Variants in NLGN1 observed in about 807,000 individuals in gnomAD.
NLGN1 encodes neuroligin-1.
NLGN1 carries 12 observed loss-of-function variants against 65.5 expected under a neutral mutation model. That is an observed-to-expected ratio of 0.18 (90% CI 0.12 to 0.30). The LOEUF is 0.30. Among genes scored for constraint, NLGN1 ranks in the 10% least tolerant of loss-of-function variants. The pLI, the probability that NLGN1 is intolerant of heterozygous loss-of-function variation, is 1.00. For synonymous variants in NLGN1, 350 were observed against 359.5 expected, an observed-to-expected ratio of 0.97 and a Z score of 0.30; for missense variants, 750 against 1,007.1, an observed-to-expected ratio of 0.74 and a Z score of 3.46.
intron 2 of NLGN1, among the ~76,000 whole-genome samples, chr3:173,437,716 C>T (rs535341856): frequency 8.5e-5 from 13 of 152,218 alleles, no homozygotes; most frequent in Admixed American, 2.6e-4. Flanking sequence ...CTTTCATTGC[C>T]GTTCCTGCCA....
chr3:174,205,336 G>A (rs1735200135), intron 4 of NLGN1, among the ~76,000 whole-genome samples: 1 of 151,966 alleles, frequency 6.6e-6, no homozygotes, highest in African/African-American at 2.4e-5. Context: ...AAAAGAAAAT[G>A]GAGATGTTTA....
intron 2 of NLGN1, among the ~76,000 whole-genome samples, chr3:173,464,097 T>C (rs1205781182): frequency 6.6e-6 from 1 of 152,134 alleles, no homozygotes; most frequent in Non-Finnish European, 1.5e-5. Flanking sequence ...TTAAGGTATA[T>C]AGGGCATTTT....
chr3:173,724,240 G>A (rs1304720589), intron 3 of NLGN1, among the ~76,000 whole-genome samples: 1 of 152,110 alleles, frequency 6.6e-6, no homozygotes, highest in Non-Finnish European at 1.5e-5. Context: ...GAAACAGGAT[G>A]ACATCACCTA....
chr3:174,194,717 G>T, intron 4 of NLGN1, among the ~76,000 whole-genome samples: 1 of 145,982 alleles, frequency 6.9e-6, no homozygotes. Flanking sequence ...GACATAGATA[G>T]TTACAGATAT....
intron 3 of NLGN1, among the ~76,000 whole-genome samples, chr3:173,609,098 T>C (rs929838133): frequency 2.0e-5 from 3 of 152,010 alleles, no homozygotes; most frequent in Non-Finnish European, 1.5e-5. Context: ...TGGTCAAATA[T>C]TAGACAGTAA....
chr3:173,683,524 G>A (rs1029878725), intron 3 of NLGN1, among the ~76,000 whole-genome samples: 2 of 152,070 alleles, frequency 1.3e-5, no homozygotes, highest in East Asian at 1.9e-4. Flanking sequence ...GAAAAGACTG[G>A]ATTTGAGGTA....
At chr3:174,131,977 C>T (rs747331048) in intron 4 of NLGN1, among the ~76,000 whole-genome samples, 10 of 152,190 alleles carry the variant, frequency 6.6e-5, no homozygotes, top group Non-Finnish European at 1.2e-4. Context: ...GCAGCTCAAA[C>T]ACTGGCTGGC....
At chr3:174,145,904 G>C (rs1213241349) in intron 4 of NLGN1, among the ~76,000 whole-genome samples, 1 of 152,214 alleles carries the variant, frequency 6.6e-6, no homozygotes, top group Non-Finnish European at 1.5e-5. Context: ...TAGTGCAGTA[G>C]TTTAAAACTC....
intron 3 of NLGN1, among the ~76,000 whole-genome samples, chr3:173,757,366 A>G (rs1248567922): frequency 6.6e-6 from 1 of 152,068 alleles, no homozygotes; most frequent in African/African-American, 2.4e-5. Flanking sequence ...CTTGTAAAAA[A>G]AATTAAAAGT....
chr3:173,863,631 T>C (rs1467702756), intron 4 of NLGN1, among the ~76,000 whole-genome samples: 1 of 152,208 alleles, frequency 6.6e-6, no homozygotes, highest in Non-Finnish European at 1.5e-5. Flanking sequence ...GCACATGGAC[T>C]AACTTGATGG....
At chr3:173,699,606 A>G (rs1261216516) in intron 3 of NLGN1, among the ~76,000 whole-genome samples, 2 of 152,224 alleles carry the variant, frequency 1.3e-5, no homozygotes, top group Non-Finnish European at 2.9e-5. Flanking sequence ...GAGTTTTAAA[A>G]GTCACAGATC....
At position 173,446,633 on chromosome 3, in the gene NLGN1, A is replaced by G. The variant is rs1720397495; in HGVS notation, c.-321+11555A>G. 2.0e-5 allele frequency among the ~76,000 whole-genome samples: 3 copies of G among 152,280 alleles called. No individual in the cohort carries two copies. The South Asian group carries it at 6.2e-4, about 32-fold the overall frequency. Reference sequence around the variant, plus strand: ...ATTTCTAGTTCCAGATCCCTGAGGAATTGGCACACCAACTTCCACAATGGT... The same window carrying G: ...ATTTCTAGTTCCAGATCCCTGAGGAGTTGGCACACCAACTTCCACAATGGT... On this transcript the variant is annotated intron_variant, in intron 2 of 6. Transcript: ENST00000457714.
rs10663769 is a variant in NLGN1, at chr3:174,197,518, C to CAAAAAAAAAAAAA, written c.647-77790_647-77778dup. ...TTTCTTGAGCTACGGTACTTAACCT[C>CAAAAAAAAAAAAA]AAAAAAAAAAAAAAAAAAAGGAGAA... is the stretch of plus-strand genomic sequence containing the variant. On this transcript the variant is annotated intron_variant, in intron 4 of 6. Transcript: ENST00000457714. 1.7e-3 allele frequency among the ~76,000 whole-genome samples: 166 copies of CAAAAAAAAAAAAA among 100,294 alleles called. 7 individuals carry two copies. The highest frequency in any genetic ancestry group is 5.7e-3 in the Middle Eastern group (1 of 174). The allele number at this position is 100,294 out of a possible 152,430, so 65.8% of individuals were successfully genotyped here. A position where few individuals can be genotyped will look rare whatever the true frequency, so the allele number is the denominator to read the frequency against.
intron 4 of NLGN1, among the ~76,000 whole-genome samples, chr3:174,128,313 G>T (rs1047382585): frequency 1.3e-5 from 2 of 152,064 alleles, no homozygotes; most frequent in African/African-American, 4.8e-5. Flanking sequence ...CTTTGTAAAG[G>T]TGTAATAATT....
chr3:174,170,373 A>G (rs1434625779), intron 4 of NLGN1, among the ~76,000 whole-genome samples: 1 of 152,116 alleles, frequency 6.6e-6, no homozygotes, highest in African/African-American at 2.4e-5. Flanking sequence ...TGTCTCAGTA[A>G]TGGTGTATTA....
At chr3:173,852,225 G>A (rs111757642) in intron 4 of NLGN1, among the ~76,000 whole-genome samples, 28,123 of 149,468 alleles carry the variant, frequency 0.19, 2,562 homozygotes, top group Middle Eastern at 0.23. Context: ...GCGTGGTAGC[G>A]GGCGCCTGTA....
chr3:173,807,720 T>C (rs959175034), exon 4 of NLGN1: 13 of 1,613,736 alleles, frequency 8.1e-6, no homozygotes, highest in Non-Finnish European at 1.1e-5. Context: ...TGATGGTGTA[T>C]ATCCATGGTG....
At chr3:173,870,424 A>C (rs556773332) in intron 4 of NLGN1, among the ~76,000 whole-genome samples, 6 of 152,314 alleles carry the variant, frequency 3.9e-5, no homozygotes, top group African/African-American at 7.2e-5. Flanking sequence ...GGAAATTAAA[A>C]AGAACTAGAA....
At chr3:173,954,432 T>G (rs981008539) in intron 4 of NLGN1, among the ~76,000 whole-genome samples, 4 of 152,122 alleles carry the variant, frequency 2.6e-5, no homozygotes, top group Admixed American at 6.5e-5. Flanking sequence ...CTGCTGTCAT[T>G]GGGAAACCTG....
Sources: gnomAD v4.1 joint callset for allele counts (sites outside exome capture counted in the v4.1 genomes callset) on GRCh38, gnomAD v4.1.1 for gene constraint, MANE v1.5 for transcripts, NCBI Gene and HGNC (gene_info 2026-07-23, HGNC 2026-07-21) for gene names.